The following CPVL variants were observed in gnomAD, a reference collection of about 807,000 sequenced individuals.
The protein encoded by CPVL is carboxypeptidase vitellogenic like, also known as probable serine carboxypeptidase CPVL.
Under a neutral mutation model 63.7 loss-of-function variants are expected in CPVL, and 51 were observed. The observed-to-expected ratio is 0.80, with a 90% CI of 0.64 to 1.01. The LOEUF is 1.01. CPVL is among the 50% of genes least tolerant of loss of function. The pLI is 0.00. For synonymous variants in CPVL, 195 were observed against 206.0 expected (o/e 0.95, Z 0.46); for missense variants, 530 against 573.1 (o/e 0.92, Z 0.77).
intron 12 of CPVL, among the ~76,000 whole-genome samples, chr7:29,000,711 T>A (rs1290042482): frequency 6.6e-6 from 1 of 152,152 alleles, no homozygotes; most frequent in African/African-American, 2.4e-5. Context: ...TAAAATACAC[T>A]TAACATAAAA....
intron 7 of CPVL, among the ~76,000 whole-genome samples, chr7:29,083,012 A>G (rs1189154772): frequency 1.3e-5 from 2 of 152,178 alleles, no homozygotes; most frequent in Non-Finnish European, 2.9e-5. Context: ...CCTGGCTCTG[A>G]AATTGGTTAA....
At chr7:29,164,457 TTTTCA>T (rs145645917) in intron 5 of CPVL, among the ~76,000 whole-genome samples, 2,411 of 152,210 alleles carry the variant, frequency 0.016, 55 homozygotes, top group African/African-American at 0.053. Flanking sequence ...CATTTCCTCT[TTTTCA>T]TTTCATTTCA....
intron 3 of CPVL, chr7:29,185,401 C>T (rs1272295264): frequency 6.6e-6 from 1 of 152,154 alleles, no homozygotes; most frequent in African/African-American, 2.4e-5. Context: ...ATTCTATTTT[C>T]TCATATCATG....
chr7:29,068,796 G>A (rs1003820333), intron 9 of CPVL, among the ~76,000 whole-genome samples: 4 of 149,572 alleles, frequency 2.7e-5, no homozygotes, highest in South Asian at 2.1e-4. Context: ...CTGGGTTCAC[G>A]CCATTCTCCT....
At chr7:29,116,585 G>T (rs1024918497) in intron 2 of CPVL, among the ~76,000 whole-genome samples, 1 of 152,174 alleles carries the variant, frequency 6.6e-6, no homozygotes, top group Non-Finnish European at 1.5e-5. Flanking sequence ...CCAACAAAGG[G>T]CTTGAACCAG....
chr7:29,108,765 G>A (rs1787972734), intron 3 of CPVL, among the ~76,000 whole-genome samples: 2 of 152,180 alleles, frequency 1.3e-5, no homozygotes, highest in Admixed American at 1.3e-4. Context: ...GAGGAAACCA[G>A]TGCTCAGAGA....
intron 2 of CPVL, among the ~76,000 whole-genome samples, chr7:29,115,194 A>C (rs1374332895): frequency 6.6e-6 from 1 of 152,256 alleles, no homozygotes; most frequent in African/African-American, 2.4e-5. Context: ...AGCACTGCAC[A>C]TAAAATATGG....
At chr7:29,048,892 AC>A (rs1789881339) in intron 11 of CPVL, among the ~76,000 whole-genome samples, 1 of 107,300 alleles carries the variant, frequency 9.3e-6, no homozygotes, top group Admixed American at 9.9e-5. Context: ...CCATGTGAAT[AC>A]ATGCAAATTA....
At chr7:29,008,156 G>T in intron 12 of CPVL, among the ~76,000 whole-genome samples, 1 of 152,162 alleles carries the variant, frequency 6.6e-6, no homozygotes, top group Admixed American at 6.5e-5. Context: ...GGAATCCCAT[G>T]TGAATTTCTG....
chr7:29,182,165 A>G (rs1394834568), intron 4 of CPVL, among the ~76,000 whole-genome samples: 1 of 152,246 alleles, frequency 6.6e-6, no homozygotes, highest in Non-Finnish European at 1.5e-5. Context: ...CTGCAAATGC[A>G]TATGCAAATG....
intron 3 of CPVL, among the ~76,000 whole-genome samples, chr7:29,102,309 G>C (rs1178904934): frequency 6.6e-6 from 1 of 152,094 alleles, no homozygotes; most frequent in African/African-American, 2.4e-5. Flanking sequence ...ATCTATTTAA[G>C]TGTCAGCTCT....
intron 1 of CPVL, chr7:29,194,878 G>A (rs1783443810): frequency 1.5e-6 from 2 of 1,362,332 alleles, no homozygotes; most frequent in South Asian, 1.8e-5. Flanking sequence ...GCGGCCGGGC[G>A]AGGGCAGCGG....
chr7:29,195,256 C>G (rs1007152971), exon 1 of CPVL: 2 of 410,790 alleles, frequency 4.9e-6, no homozygotes, highest in African/African-American at 2.1e-5. Flanking sequence ...TGGAGTGCAG[C>G]GAGCGAAAAG....
intron 11 of CPVL, among the ~76,000 whole-genome samples, chr7:29,032,427 A>G (rs906159327): frequency 2.0e-5 from 3 of 152,182 alleles, no homozygotes; most frequent in African/African-American, 7.2e-5. Context: ...AGCCTGTTAA[A>G]AAAATTCAAC....
chr7:29,111,635 C>T (rs1365834088), intron 3 of CPVL, among the ~76,000 whole-genome samples: 1 of 152,174 alleles, frequency 6.6e-6, no homozygotes, highest in Non-Finnish European at 1.5e-5. Context: ...TTCTTACATG[C>T]CCCAACCTGA....
intron 5 of CPVL, among the ~76,000 whole-genome samples, chr7:29,164,072 A>G (rs1584501873): frequency 6.6e-6 from 1 of 152,336 alleles, no homozygotes; most frequent in Non-Finnish European, 1.5e-5. Context: ...TAACTTTTCA[A>G]GCTATAAAAT....
At chr7:28,999,191 G>T (rs1329737850) in intron 12 of CPVL, among the ~76,000 whole-genome samples, 1 of 152,088 alleles carries the variant, frequency 6.6e-6, no homozygotes, top group African/African-American at 2.4e-5. Context: ...CAGCCTGGGC[G>T]ACAGAGTGAG....
At position 29,145,560 on chromosome 7, in the gene CPVL, T is replaced by G. The variant is rs73304156; in HGVS notation, c.-11+869A>C. Among the ~76,000 whole-genome samples, 351 of 151,796 alleles carry G rather than the reference T, an allele frequency of 2.3e-3. 6 individuals carry two copies. Among genetic ancestry groups the G allele is most frequent in the Middle Eastern group, 0.014 (4 of 292 alleles). On this transcript the variant is annotated intron_variant, in intron 1 of 12. Transcript: ENST00000265394. ...ATTATATGGCCAGAGTTTTAAACATTATTTTGTTCTGTCTTCACCATAGAC... is the reference window on the plus strand; with the variant it reads ...ATTATATGGCCAGAGTTTTAAACATGATTTTGTTCTGTCTTCACCATAGAC...
chr7:29,096,217 T>C lies in CPVL; in HGVS notation c.289A>G (p.Ile97Val). Residue 97 changes from isoleucine to valine, a missense_variant and splice_region_variant, in exon 4 of 13, where the codon ATA (isoleucine) becomes GTA (valine). Coordinates refer to ENST00000265394, the MANE Select transcript of CPVL (RefSeq NM_031311.5). ...NLFFWFFPAQ[I>V]QPEDAPVVLW... ...ACTACTGGGGCATCTTCTGGCTGTA[T>C]CTAGAGGAAACAGTAAAACCAGTGA... 6.2e-7 allele frequency: 1 copy of C among 1,611,864 alleles called. No individual in the cohort carries two copies. Among genetic ancestry groups the C allele is most frequent in the Non-Finnish European group, 8.5e-7 (1 of 1,177,980 alleles).
Sources: allele counts gnomAD v4.1 joint callset (sites outside exome capture counted in the v4.1 genomes callset), GRCh38; gene constraint gnomAD v4.1.1; transcripts MANE v1.5; gene names NCBI Gene and HGNC (gene_info 2026-07-23, HGNC 2026-07-21).